FRK: variants seen among roughly 807,000 people sequenced by gnomAD.
FRK encodes the protein tyrosine-protein kinase FRK.
FRK carries 51 observed loss-of-function variants against 56.4 expected under a neutral mutation model. The ratio of observed to expected loss-of-function variants is 0.90; its 90% CI spans 0.72 to 1.14. FRK has a LOEUF of 1.14. Among genes scored for constraint, FRK ranks in the 50% most tolerant of loss-of-function variants. FRK has a pLI of 0.00. For synonymous variants in FRK, 245 were observed against 217.9 expected, an observed-to-expected ratio of 1.12 and a Z score of -1.10; for missense variants, 570 against 601.4, an observed-to-expected ratio of 0.95 and a Z score of 0.55.
the FRK span, among the ~76,000 whole-genome samples, chr6:116,085,404 G>T: frequency 6.6e-6 from 1 of 152,082 alleles, no homozygotes; most frequent in Non-Finnish European, 1.5e-5. Flanking sequence ...AAATCTATTT[G>T]CTTCTCTTTT....
chr6:116,077,798 C>A, the FRK span, among the ~76,000 whole-genome samples: 1 of 152,188 alleles, frequency 6.6e-6, no homozygotes, highest in African/African-American at 2.4e-5. Flanking sequence ...TCCAACCCTG[C>A]CAGATCAACT....
At chr6:116,091,294 C>T in the FRK span, among the ~76,000 whole-genome samples, 1 of 152,190 alleles carries the variant, frequency 6.6e-6, no homozygotes, top group African/African-American at 2.4e-5. Flanking sequence ...TATCAGCACT[C>T]TGTAAAATGG....
At chr6:115,989,386 C>T (rs1253774728) in intron 2 of FRK, among the ~76,000 whole-genome samples, 1 of 151,790 alleles carries the variant, frequency 6.6e-6, no homozygotes, top group Non-Finnish European at 1.5e-5. Flanking sequence ...GTGAACCCAT[C>T]ACCCAAATAG....
At chr6:116,032,862 T>A (rs1008612344) in intron 1 of FRK, among the ~76,000 whole-genome samples, 1 of 152,120 alleles carries the variant, frequency 6.6e-6, no homozygotes, top group African/African-American at 2.4e-5. Context: ...AAAAAAATTC[T>A]TCTTTGCAGA....
At chr6:116,021,245 G>A (rs898412544) in intron 1 of FRK, among the ~76,000 whole-genome samples, 3 of 150,818 alleles carry the variant, frequency 2.0e-5, no homozygotes, top group Admixed American at 6.6e-5. Context: ...AAACACAAAC[G>A]TAGACCAGTA....
intron 5 of FRK, among the ~76,000 whole-genome samples, chr6:115,944,784 G>T (rs182669960): frequency 0.012 from 1,793 of 152,128 alleles, 18 homozygotes; most frequent in Non-Finnish European, 0.017. Context: ...AGGTAAACTT[G>T]TGTCATGGGG....
chr6:116,080,013 T>C, the FRK span, among the ~76,000 whole-genome samples: 1 of 152,222 alleles, frequency 6.6e-6, no homozygotes, highest in African/African-American at 2.4e-5. Context: ...ATTGACCCAA[T>C]TGACTATCCG....
chr6:116,038,683 T>C (rs1776581609), intron 1 of FRK: 2 of 389,274 alleles, frequency 5.1e-6, no homozygotes, highest in South Asian at 4.7e-5. Context: ...TAGAATATCA[T>C]AAAACCTATA....
the FRK span, among the ~76,000 whole-genome samples, chr6:116,088,945 T>A: frequency 1.7e-3 from 258 of 152,320 alleles, no homozygotes; most frequent in Non-Finnish European, 2.7e-3. Context: ...TATAAGGGAT[T>A]CCTGAAATAT....
At chr6:115,974,430 A>G (rs1310179527) in intron 2 of FRK, among the ~76,000 whole-genome samples, 1 of 152,166 alleles carries the variant, frequency 6.6e-6, no homozygotes, top group Non-Finnish European at 1.5e-5. Flanking sequence ...TAAATTTTCA[A>G]CTGTAAAACC....
chr6:115,967,840 C>A (rs1044594230), intron 3 of FRK, 121 bp from the exon 4 acceptor site: 1 of 757,280 alleles, frequency 1.3e-6, no homozygotes, highest in Non-Finnish European at 2.0e-6. Flanking sequence ...ATATTGTAAA[C>A]TGTATTATAA....
chr6:115,956,866 G>GA (rs911876121), intron 4 of FRK, among the ~76,000 whole-genome samples: 2 of 152,136 alleles, frequency 1.3e-5, no homozygotes, highest in Non-Finnish European at 2.9e-5. Context: ...AGATCTACAT[G>GA]AAAAATGAAG....
intron 1 of FRK, among the ~76,000 whole-genome samples, chr6:116,015,454 G>T (rs1351723741): frequency 6.6e-6 from 1 of 152,032 alleles, no homozygotes; most frequent in Non-Finnish European, 1.5e-5. Flanking sequence ...GTGTGAGAAC[G>T]GACTAATACA....
chr6:115,953,956 A>G (rs1772889739), intron 5 of FRK, among the ~76,000 whole-genome samples: 1 of 152,230 alleles, frequency 6.6e-6, no homozygotes, highest in African/African-American at 2.4e-5. Flanking sequence ...GATACACAGT[A>G]TAAGATGCTT....
chr6:116,055,758 C>G (rs192204185), intron 1 of FRK, among the ~76,000 whole-genome samples: 121 of 152,220 alleles, frequency 7.9e-4, no homozygotes, highest in African/African-American at 2.9e-3. Context: ...GGACTTAAGA[C>G]AAAATTACTG....
intron 7 of FRK, 49 bp from the exon 8 acceptor site, chr6:115,942,674 G>C (rs1210299192): frequency 6.7e-7 from 1 of 1,501,056 alleles, no homozygotes; most frequent in Non-Finnish European, 9.2e-7. Context: ...ACAAGTTAAA[G>C]GTCAGAGTCT....
At chr6:115,977,036 C>T (rs554453) in intron 2 of FRK, among the ~76,000 whole-genome samples, 2 of 151,994 alleles carry the variant, frequency 1.3e-5, no homozygotes, top group African/African-American at 4.8e-5. Flanking sequence ...CTGTTTATTT[C>T]GTTTGTTTTT....
In FRK at chr6:115,967,691, G is replaced by A. The variant is rs1158522806; in HGVS notation, c.659C>T (p.Ser220Leu). Reference sequence around the variant, plus strand: ...CTCCCATTGGTCCACGGTTTTATACGACAAATCAAATGGAGCTGGGACCTG... The same window carrying A: ...CTCCCATTGGTCCACGGTTTTATACAACAAATCAAATGGAGCTGGGACCTG... Reference protein sequence around the residue: ...KIQVPAPFDLSYKTVDQWEID... With the variant: ...KIQVPAPFDLLYKTVDQWEID... Residue 220 changes from serine (S) to leucine (L), a missense_variant, in exon 4 of 8, where the codon TCG becomes TTG. Ser to Leu is a moderately radical substitution (Grantham distance 145, BLOSUM62 -2). Transcript: ENST00000606080. 1.2e-6 allele frequency: 2 copies of A among 1,607,030 alleles called. No homozygotes were observed. The highest frequency in any genetic ancestry group is 1.1e-5 in the South Asian group (1 of 90,318).
At chr6:115,955,003 C>G (rs1326559110) in intron 5 of FRK, among the ~76,000 whole-genome samples, 1 of 151,954 alleles carries the variant, frequency 6.6e-6, no homozygotes, top group East Asian at 1.9e-4. Flanking sequence ...CAGACTGATA[C>G]AAGATTCAAG....
Sources: allele counts gnomAD v4.1 joint callset (sites outside exome capture counted in the v4.1 genomes callset), GRCh38; gene constraint gnomAD v4.1.1; transcripts MANE v1.5; gene names NCBI Gene and HGNC (gene_info 2026-07-23, HGNC 2026-07-21).